Variants in GALNT13 observed in about 807,000 individuals in gnomAD.
GALNT13 encodes the protein polypeptide N-acetylgalactosaminyltransferase 13.
A neutral mutation model predicts 64.2 loss-of-function variants in GALNT13; 28 were observed. The observed-to-expected ratio is 0.44, with a 90% confidence interval of 0.32 to 0.60. The LOEUF is 0.60. Among genes scored for constraint, GALNT13 ranks in the 20% least tolerant of loss-of-function variants. The probability of loss-of-function intolerance (pLI) is 0.05; values close to 1 mark genes in which losing one functional copy is unlikely to be tolerated. For synonymous variants in GALNT13, 214 were observed against 224.6 expected, an observed-to-expected ratio of 0.95 and a Z score of 0.42; for missense variants, 577 against 669.8, an observed-to-expected ratio of 0.86 and a Z score of 1.53.
the GALNT13 span, among the ~76,000 whole-genome samples, chr2:153,323,627 A>G: frequency 6.6e-6 from 1 of 152,282 alleles, no homozygotes; most frequent in South Asian, 2.1e-4. Context: ...CTTAGGTTTT[A>G]CATTTAAGTC....
the GALNT13 span, among the ~76,000 whole-genome samples, chr2:153,574,757 T>TTGAATTCAGAATTCTG: frequency 1.3e-5 from 2 of 151,864 alleles, no homozygotes; most frequent in Non-Finnish European, 2.9e-5. Flanking sequence ...TCTGAATTCT[T>TTGAATTCAGAATTCTG]TGAATTCAGA....
At chr2:153,560,938 A>T in the GALNT13 span, among the ~76,000 whole-genome samples, 2 of 152,134 alleles carry the variant, frequency 1.3e-5, no homozygotes, top group Admixed American at 6.5e-5. Context: ...ATTCATATTC[A>T]AGCAATACAT....
the GALNT13 span, among the ~76,000 whole-genome samples, chr2:153,292,586 T>C: frequency 8.6e-5 from 13 of 151,960 alleles, no homozygotes; most frequent in African/African-American, 2.9e-4. Context: ...GCAGGAGCAG[T>C]TGGGGGTACA....
At chr2:154,176,784 G>T (rs1000026961) in intron 4 of GALNT13, among the ~76,000 whole-genome samples, 20 of 152,166 alleles carry the variant, frequency 1.3e-4, no homozygotes, top group Non-Finnish European at 2.8e-4. Context: ...TTTTGAAAAG[G>T]TGTTTAATAT....
the GALNT13 span, among the ~76,000 whole-genome samples, chr2:153,288,734 C>T: frequency 6.6e-6 from 1 of 152,084 alleles, no homozygotes; most frequent in Admixed American, 6.5e-5. Context: ...TCCTACTCTG[C>T]CTGATTCATA....
the GALNT13 span, among the ~76,000 whole-genome samples, chr2:153,377,098 T>C: frequency 1.3e-5 from 2 of 152,116 alleles, no homozygotes; most frequent in Non-Finnish European, 2.9e-5. Context: ...ATGTAACTGA[T>C]GTCCTTATAA....
chr2:154,399,456 A>G (rs1699200887), intron 10 of GALNT13, among the ~76,000 whole-genome samples: 1 of 152,126 alleles, frequency 6.6e-6, no homozygotes, highest in African/African-American at 2.4e-5. Flanking sequence ...AAGTCCTCAT[A>G]TGGAAAAAGA....
the GALNT13 span, among the ~76,000 whole-genome samples, chr2:153,522,841 A>G: frequency 1.2e-4 from 18 of 152,100 alleles, no homozygotes; most frequent in East Asian, 3.9e-4. Context: ...TTGCAGAACA[A>G]AAGTTTGTAG....
the GALNT13 span, among the ~76,000 whole-genome samples, chr2:153,438,759 C>T: frequency 1.3e-5 from 2 of 151,996 alleles, no homozygotes; most frequent in African/African-American, 2.4e-5. Context: ...ACTTCTTTGC[C>T]ATTGGTTCAG....
chr2:153,159,189 T>C, the GALNT13 span: 1 of 152,508 alleles, frequency 6.6e-6, no homozygotes, highest in African/African-American at 2.4e-5. Context: ...TGGACTTACG[T>C]TGTATGCTCT....
the GALNT13 span, among the ~76,000 whole-genome samples, chr2:153,686,566 T>C: frequency 6.6e-6 from 1 of 152,052 alleles, no homozygotes; most frequent in South Asian, 2.1e-4. Flanking sequence ...TTTCTAGATA[T>C]AGGAACACGT....
the GALNT13 span, among the ~76,000 whole-genome samples, chr2:153,838,974 G>C: frequency 6.6e-6 from 1 of 151,490 alleles, no homozygotes; most frequent in Non-Finnish European, 1.5e-5. Flanking sequence ...CTAAGTTTCT[G>C]TGTATAGATC....
In GALNT13 at chr2:154,320,527, C is replaced by CT. The variant is rs1000574198; in HGVS notation, c.1156+18945dup. On this transcript the variant is annotated intron_variant, in intron 9 of 12. Coordinates refer to ENST00000392825, the MANE Select transcript of GALNT13 (RefSeq NM_052917.4). ...GGGGCTACATTGTGCTCACAGAAGT[C>CT]TTTTTTTCCACTGCTGTCAGTAAAG... Among the ~76,000 whole-genome samples, 337 of 152,210 alleles carry CT rather than the reference C, an allele frequency of 2.2e-3. 2 individuals carry two copies. Among genetic ancestry groups the CT allele is most frequent in the African/African-American group, 7.7e-3 (320 of 41,556 alleles).
At chr2:154,359,855 A>G (rs1696963760) in intron 9 of GALNT13, among the ~76,000 whole-genome samples, 1 of 152,150 alleles carries the variant, frequency 6.6e-6, no homozygotes. Flanking sequence ...CTCCTCAGTA[A>G]AATGAATTAT....
the GALNT13 span, among the ~76,000 whole-genome samples, chr2:153,224,819 C>T: frequency 2.0e-5 from 3 of 152,054 alleles, no homozygotes; most frequent in South Asian, 6.2e-4. Context: ...CACGAGTAGC[C>T]CTTTACATAT....
At chr2:153,912,426 G>A (rs1398171928) in intron 2 of GALNT13, among the ~76,000 whole-genome samples, 1 of 152,016 alleles carries the variant, frequency 6.6e-6, no homozygotes, top group African/African-American at 2.4e-5. Flanking sequence ...TCTGACCTCA[G>A]TTAACAACTC....
chr2:153,525,259 A>G, the GALNT13 span, among the ~76,000 whole-genome samples: 59 of 152,328 alleles, frequency 3.9e-4, no homozygotes, highest in Middle Eastern at 3.4e-3. Flanking sequence ...CTAAGGTACT[A>G]CATTGAGGGC....
the GALNT13 span, among the ~76,000 whole-genome samples, chr2:153,170,353 G>A: frequency 1.1e-4 from 17 of 152,074 alleles, 1 homozygote; most frequent in African/African-American, 3.9e-4. Flanking sequence ...GCCACATCTT[G>A]TTAAGATTTA....
chr2:153,299,328 C>T, the GALNT13 span, among the ~76,000 whole-genome samples: 1 of 152,130 alleles, frequency 6.6e-6, no homozygotes. Context: ...TGCCAGGAAA[C>T]AACACACTCA....
Sources: gnomAD v4.1 joint callset for allele counts (sites outside exome capture counted in the v4.1 genomes callset) on GRCh38, gnomAD v4.1.1 for gene constraint, MANE v1.5 for transcripts, NCBI Gene and HGNC (gene_info 2026-07-23, HGNC 2026-07-21) for gene names.